The following AP4S1 variants were observed in gnomAD, a reference collection of about 807,000 sequenced individuals.
AP4S1 encodes the protein adaptor related protein complex 4 subunit sigma 1.
In AP4S1, 23 loss-of-function variants were observed where a neutral mutation model predicts 19.8. The ratio of observed to expected loss-of-function variants is 1.16; its 90% CI spans 0.84 to 1.65. The LOEUF (loss-of-function observed/expected upper bound fraction) is 1.65, where lower values mean the gene tolerates loss of function less well. Among genes scored for constraint, AP4S1 ranks in the 40% most tolerant of loss-of-function variants. The pLI is 0.00. For synonymous variants in AP4S1, 46 were observed against 54.1 expected, an observed-to-expected ratio of 0.85 and a Z score of 0.66; for missense variants, 166 against 172.8, an observed-to-expected ratio of 0.96 and a Z score of 0.22.
At chr14:31,025,967 C>G in intron 1 of AP4S1, 180 bp downstream of exon 1, 2 of 1,587,234 alleles carry the variant, frequency 1.3e-6, no homozygotes, top group African/African-American at 2.7e-5. Flanking sequence ...CCCACTCGTG[C>G]TGGATGTAGT....
At chr14:31,045,627 G>A (rs570891166) in intron 1 of AP4S1, among the ~76,000 whole-genome samples, 3 of 152,120 alleles carry the variant, frequency 2.0e-5, no homozygotes, top group East Asian at 1.9e-4. Context: ...ACCTAGTCTC[G>A]GGCAGTTCTT....
chr14:31,084,507 C>G (rs1335682814), intron 5 of AP4S1, among the ~76,000 whole-genome samples: 6 of 152,234 alleles, frequency 3.9e-5, no homozygotes, highest in Middle Eastern at 3.2e-3. Flanking sequence ...TGTTGAAAAG[C>G]CTTCCATTTA....
intron 1 of AP4S1, among the ~76,000 whole-genome samples, chr14:31,049,455 A>G (rs75727410): frequency 7.1e-5 from 5 of 70,752 alleles, no homozygotes; most frequent in East Asian, 3.4e-4. Flanking sequence ...ATATATATAT[A>G]TATATATGTA....
chr14:31,073,755 G>A (rs190414542), intron 4 of AP4S1, among the ~76,000 whole-genome samples: 2 of 151,270 alleles, frequency 1.3e-5, no homozygotes, highest in East Asian at 2.0e-4. Flanking sequence ...GGTCAGGCAG[G>A]TCTCAAACTC....
intron 5 of AP4S1, among the ~76,000 whole-genome samples, chr14:31,089,490 G>A (rs1034812053): frequency 4.6e-5 from 7 of 152,232 alleles, no homozygotes; most frequent in African/African-American, 1.7e-4. Context: ...GGTCTCTGCC[G>A]TGGAATTCCT....
At chr14:31,057,598 T>C (rs72670328) in intron 1 of AP4S1, among the ~76,000 whole-genome samples, 1,597 of 152,238 alleles carry the variant, frequency 0.01, 18 homozygotes, top group Non-Finnish European at 0.015. Context: ...TCTACTTTTA[T>C]GTTGTTTTGG....
intron 1 of AP4S1, among the ~76,000 whole-genome samples, chr14:31,049,709 T>C (rs1256509019): frequency 6.6e-6 from 1 of 151,686 alleles, no homozygotes; most frequent in African/African-American, 2.4e-5. Context: ...CAGGCTGGAG[T>C]ACAGTGGCAC....
In AP4S1 at chr14:31,072,974, G is replaced by T. The variant is rs886041127; in HGVS notation, c.294+1G>T. 9.9e-6 allele frequency: 16 copies of T among 1,613,190 alleles called. No individual in the cohort carries two copies. Among genetic ancestry groups the T allele is most frequent in the Admixed American group, 3.3e-5 (2 of 59,996 alleles). On this transcript the variant is annotated splice_donor_variant, in intron 4 of 5. Transcript: ENST00000542754. LOFTEE classifies it high-confidence loss of function. ...TTTAGATGAGTATTTCAGCCGAGTG[G>T]TAAGTCTAATGGCTAAAAAATGGTT...
Position 31,051,747 on chromosome 14 carries a change from C to T in AP4S1, c.-71-14379C>T, listed in dbSNP as rs188579819. Among the ~76,000 whole-genome samples the T allele has an allele frequency of 2.2e-4, 33 of 152,168 alleles. 1 individual carries two copies. The East Asian group carries it at 5.4e-3, about 25-fold the overall frequency. ...GTGATCTCAGCACACTGTAACTTCCCCCTCCCGGGTTCAGGCAATTCCCCT... is the reference window on the plus strand; with the variant it reads ...GTGATCTCAGCACACTGTAACTTCCTCCTCCCGGGTTCAGGCAATTCCCCT... On this transcript the variant is annotated intron_variant, in intron 1 of 5. Transcript: ENST00000542754.
chr14:31,034,960 A>G (rs1373462681), intron 1 of AP4S1, among the ~76,000 whole-genome samples: 1 of 152,046 alleles, frequency 6.6e-6, no homozygotes, highest in African/African-American at 2.4e-5. Flanking sequence ...AACTTCAGTT[A>G]TGGAAAAACA....
At chr14:31,070,569 G>C (rs139637934) in intron 3 of AP4S1, among the ~76,000 whole-genome samples, 353 of 152,264 alleles carry the variant, frequency 2.3e-3, no homozygotes, top group African/African-American at 7.9e-3. Flanking sequence ...TTCTAGCAAG[G>C]ATGAGGAAAG....
rs183710123 is a variant in AP4S1, at chr14:31,059,716, T to C, written c.-71-6410T>C. ...GCAATCCCACCCACAGCCATGAGCT[T>C]ATCTTCCTGGAAAAGGGAGTGAATG... On this transcript the variant is annotated intron_variant, in intron 1 of 5. Coordinates refer to ENST00000542754, the MANE Select transcript of AP4S1 (RefSeq NM_001128126.3). 3.9e-3 allele frequency among the ~76,000 whole-genome samples: 597 copies of C among 152,100 alleles called. 2 individuals carry two copies. Among genetic ancestry groups the C allele is most frequent in the Non-Finnish European group, 5.6e-3 (381 of 68,002 alleles).
intron 3 of AP4S1, among the ~76,000 whole-genome samples, chr14:31,070,445 A>T (rs1161641383): frequency 1.3e-5 from 2 of 151,652 alleles, no homozygotes; most frequent in Non-Finnish European, 2.9e-5. Flanking sequence ...ATGGGATCTC[A>T]CTGTATTGCC....
intron 1 of AP4S1, among the ~76,000 whole-genome samples, chr14:31,053,605 T>C (rs1885937364): frequency 1.5e-5 from 2 of 136,022 alleles, no homozygotes; most frequent in South Asian, 2.6e-4. Flanking sequence ...TTTTTTTTTT[T>C]TTTTTTTTTT....
chr14:31,089,802 C>T (rs1888027111), intron 5 of AP4S1, among the ~76,000 whole-genome samples: 1 of 151,982 alleles, frequency 6.6e-6, no homozygotes. Flanking sequence ...GCCTGTACTC[C>T]CAGCTACTCA....
chr14:31,064,261 C>T (rs1886596839), intron 1 of AP4S1, among the ~76,000 whole-genome samples: 1 of 151,016 alleles, frequency 6.6e-6, no homozygotes, highest in Admixed American at 6.6e-5. Flanking sequence ...TTTTCTTTTT[C>T]TTTTTTTTTA....
At chr14:31,033,283 G>A (rs191272626) in intron 1 of AP4S1, among the ~76,000 whole-genome samples, 120 of 151,956 alleles carry the variant, frequency 7.9e-4, no homozygotes, top group Non-Finnish European at 1.5e-3. Flanking sequence ...GCGTGATCTC[G>A]GCTCACTGCA....
intron 1 of AP4S1, among the ~76,000 whole-genome samples, chr14:31,045,680 T>C (rs1276705808): frequency 2.6e-5 from 4 of 152,158 alleles, no homozygotes; most frequent in Non-Finnish European, 5.9e-5. Flanking sequence ...TCAAAATATA[T>C]AGTTCTGTGG....
chr14:31,038,483 T>C (rs1160705390), intron 1 of AP4S1, among the ~76,000 whole-genome samples: 1 of 152,124 alleles, frequency 6.6e-6, no homozygotes, highest in East Asian at 1.9e-4. Flanking sequence ...AGCTTTTATA[T>C]AGAGGGTACA....
Sources: gnomAD v4.1 joint callset for allele counts (sites outside exome capture counted in the v4.1 genomes callset) on GRCh38, gnomAD v4.1.1 for gene constraint, MANE v1.5 for transcripts, NCBI Gene and HGNC (gene_info 2026-07-23, HGNC 2026-07-21) for gene names.